The following NUP214 variants were observed in gnomAD, a reference collection of about 807,000 sequenced individuals.
NUP214 encodes the protein nucleoporin 214.
NUP214 carries 79 observed loss-of-function variants against 196.2 expected under a neutral mutation model. The ratio of observed to expected loss-of-function variants is 0.40; its 90% CI spans 0.34 to 0.49. The LOEUF (loss-of-function observed/expected upper bound fraction) is 0.49. Among genes scored for constraint, NUP214 ranks in the 20% least tolerant of loss-of-function variants. The probability of loss-of-function intolerance (pLI) is 0.58; values close to 1 mark genes in which losing one functional copy is unlikely to be tolerated. For missense variants in NUP214, 2,468 were observed against 2,539.0 expected (o/e 0.97, Z 0.60); for synonymous variants, 1,020 against 990.5 (o/e 1.03, Z -0.56).
At chr9:131,158,418 G>A (rs1364642851) in intron 17 of NUP214, among the ~76,000 whole-genome samples, 2 of 152,206 alleles carry the variant, frequency 1.3e-5, no homozygotes, top group African/African-American at 4.8e-5. Flanking sequence ...AAGTTGCATA[G>A]CCATGAAGGT....
At chr9:131,183,989 A>G (rs1465447024) in intron 24 of NUP214, among the ~76,000 whole-genome samples, 2 of 108,706 alleles carry the variant, frequency 1.8e-5, no homozygotes, top group African/African-American at 6.9e-5. Flanking sequence ...TTCTTACACT[A>G]TTCGTATTTT....
intron 26 of NUP214, chr9:131,190,240 CAA>C (rs1013034720): frequency 2.1e-6 from 1 of 478,468 alleles, no homozygotes; most frequent in African/African-American, 2.0e-5. Flanking sequence ...GTAGAACTGT[CAA>C]AGACTTGAGT....
At chr9:131,174,785 T>C (rs1164260233) in intron 22 of NUP214, among the ~76,000 whole-genome samples, 1 of 152,140 alleles carries the variant, frequency 6.6e-6, no homozygotes, top group African/African-American at 2.4e-5. Flanking sequence ...ATTCTAGAAA[T>C]TAGAAGACTG....
chr9:131,192,015 A>G (rs1218271370), intron 26 of NUP214, 193 bp from the exon 27 acceptor site: 3 of 452,936 alleles, frequency 6.6e-6, no homozygotes, highest in Non-Finnish European at 1.2e-5. Flanking sequence ...CCACGGAGCA[A>G]TTTCAGAGAC....
At position 131,159,275 on chromosome 9, in the gene NUP214, A is replaced by G. The variant is rs1048347163; in HGVS notation, c.2437-108A>G. On this transcript the variant is annotated intron_variant, in intron 17 of 35. Transcript: ENST00000359428. ...ACCTATTCTGTTTTCCTTGTTCATT[A>G]TGGTTCTTAATATAGAAGTATTTTA... 2.1e-5 allele frequency: 15 copies of G among 725,436 alleles called. No individual in the cohort carries two copies. The Admixed American group carries it at 3.8e-4, about 18-fold the overall frequency. The allele number at this position is 725,436 out of a possible 1,614,324, so 44.9% of individuals were successfully genotyped here.
Position 131,127,605 on chromosome 9 carries a change from G to T in NUP214, c.127G>T (p.Ala43Ser), listed in dbSNP as rs763270914. ...GCCCAAGGAACGCTCGAGTCTGCTT[G>T]CTGTGTCCAACAAATATGGTCTGGT... ...ELPKERSSLLAVSNKYGLVFA... is the reference protein window; with the variant it reads ...ELPKERSSLLSVSNKYGLVFA... Residue 43 changes from alanine to serine, a missense_variant, in exon 2 of 36, where the codon GCT becomes TCT. Ala to Ser is a moderately conservative substitution (Grantham distance 99). Coordinates refer to ENST00000359428, the MANE Select transcript of NUP214 (RefSeq NM_005085.4). 11 of 1,614,146 alleles carry T rather than the reference G, an allele frequency of 6.8e-6. No individual in the cohort carries two copies. The East Asian group carries it at 8.9e-5, about 13-fold the overall frequency.
At chr9:131,223,541 CAAAAT>C (rs774142047) in intron 32 of NUP214, among the ~76,000 whole-genome samples, 44 of 151,274 alleles carry the variant, frequency 2.9e-4, no homozygotes, top group Non-Finnish European at 4.1e-4. Flanking sequence ...GCAGAACAAA[CAAAAT>C]AAAGGAACAC....
chr9:131,178,424 GC>G lies in NUP214; in HGVS notation c.3419+15del. On this transcript the variant is annotated intron_variant, in intron 24 of 35. Transcript: ENST00000359428. ...TACAGCCATGGGGTATGTTCTGACTGCAGTGTGTTTCAGCCCCTGGCTGCTT... is the reference window on the plus strand; with the variant it reads ...TACAGCCATGGGGTATGTTCTGACTGAGTGTGTTTCAGCCCCTGGCTGCTT... The G allele has an allele frequency of 1.2e-5, 19 of 1,587,498 alleles. No individual in the cohort carries two copies. The highest frequency in any genetic ancestry group is 1.6e-5 in the Non-Finnish European group (19 of 1,156,772).
rs142450352 is a variant in NUP214 at position 131,132,115 on chromosome 9, C to CTTTTTTTTTTTTTTTTTTTTTT, written c.664-478_664-477insTTTTTTTTTTTTTTTTTTTTTT. 4.6e-5 allele frequency among the ~76,000 whole-genome samples: 5 copies of CTTTTTTTTTTTTTTTTTTTTTT among 108,180 alleles called. 2 individuals carry two copies. The highest frequency in any genetic ancestry group is 3.6e-5 in the Non-Finnish European group (2 of 54,830). The allele number at this position is 108,180 out of a possible 152,430, so 71.0% of individuals were successfully genotyped here. ...TGCGTTCATGCGTTTCTTTTCTTTTCTTTCTTTTTTTTTTTTTTTTGGAGA... is the reference window on the plus strand; with the variant it reads ...TGCGTTCATGCGTTTCTTTTCTTTTCTTTTTTTTTTTTTTTTTTTTTTTTTCTTTTTTTTTTTTTTTTGGAGA... On this transcript the variant is annotated intron_variant, in intron 5 of 35. Transcript: ENST00000359428.
At chr9:131,200,577 C>T (rs1039433169) in intron 29 of NUP214, among the ~76,000 whole-genome samples, 1 of 152,156 alleles carries the variant, frequency 6.6e-6, no homozygotes, top group East Asian at 1.9e-4. Flanking sequence ...GGCGTCGTGG[C>T]AGGCGCATGT....
rs777544652 is a variant in NUP214, at chr9:131,175,504, A to C, written c.3202A>C (p.Thr1068Pro). Residue 1068 changes from threonine to proline, a missense_variant, in exon 23 of 36, where the codon ACA becomes CCA. Physicochemically the swap from Thr to Pro is conservative, Grantham distance 38. This residue lies in a region of NUP214 where 1,801 missense variants were observed against 1,779.4 expected (regional missense o/e 1.01). Transcript: ENST00000359428. ...SKIIPQGADS[T>P]MLATKTVKHG... ...AATTATTCCTCAAGGGGCCGATAGC[A>C]CAATGCTTGCCACGAAAACCGTGAA... 1 of 1,614,092 alleles carries C rather than the reference A, an allele frequency of 6.2e-7. No individual in the cohort carries two copies. The highest frequency in any genetic ancestry group is 8.5e-7 in the Non-Finnish European group (1 of 1,180,042).
In NUP214 at chr9:131,134,979, T is replaced by C; in HGVS notation, c.913T>C (p.Tyr305His). Residue 305 changes from tyrosine to histidine, a missense_variant, in exon 8 of 36, where the codon TAC becomes CAC. By Grantham distance (83) the Tyr-to-His change is moderately conservative (BLOSUM62 2). Around this residue, in one of 5 missense-constraint regions of NUP214, gnomAD observed 392 missense variants for 417.9 expected, o/e 0.94. Coordinates refer to ENST00000359428, the MANE Select transcript of NUP214 (RefSeq NM_005085.4). Reference protein sequence around the residue: ...YGSCTERQHHYYLSYIEEWDL... With the variant: ...YGSCTERQHHHYLSYIEEWDL... ...CAGCTGCACGGAGAGACAGCATCATTACTACCTCAGTTACATTGAGGAATG... is the reference window on the plus strand; with the variant it reads ...CAGCTGCACGGAGAGACAGCATCATCACTACCTCAGTTACATTGAGGAATG... 1 of 1,613,068 alleles carries C rather than the reference T, an allele frequency of 6.2e-7. No homozygotes were observed. The highest frequency in any genetic ancestry group is 8.5e-7 in the Non-Finnish European group (1 of 1,179,086).
Position 131,129,302 on chromosome 9 carries a change from T to G in NUP214, c.417T>G (p.Phe139Leu), listed in dbSNP as rs370750765. Residue 139 changes from phenylalanine (F) to leucine (L), a missense_variant, in exon 4 of 36, where the codon TTT (phenylalanine) becomes TTG (leucine). Physicochemically the swap from Phe to Leu is conservative, Grantham distance 22. Around this residue, in one of 5 missense-constraint regions of NUP214, gnomAD observed 392 missense variants for 417.9 expected, o/e 0.94. Transcript: ENST00000359428. ...AGGCTAAACAGCAAAAACGCCCATT[T>G]GCCTATCATAAGCTTTTGAAAGATG... Reference protein sequence around the residue: ...SNEAKQQKRPFAYHKLLKDAG... With the variant: ...SNEAKQQKRPLAYHKLLKDAG... The G allele has an allele frequency of 1.5e-5, 25 of 1,614,104 alleles. No individual in the cohort carries two copies. Among genetic ancestry groups the G allele is most frequent in the Non-Finnish European group, 1.9e-5 (23 of 1,180,030 alleles).
chr9:131,135,736 A>C (rs1490449870), intron 8 of NUP214, among the ~76,000 whole-genome samples: 3 of 152,190 alleles, frequency 2.0e-5, no homozygotes, highest in African/African-American at 7.2e-5. Flanking sequence ...GTAGGCACTG[A>C]GCTGATTCTA....
intron 14 of NUP214, among the ~76,000 whole-genome samples, chr9:131,148,540 A>G (rs143979421): frequency 1.3e-5 from 2 of 152,172 alleles, no homozygotes; most frequent in African/African-American, 2.4e-5. Context: ...TCCCACCAAG[A>G]GTGTATGAGA....
chr9:131,151,839 A>G lies in NUP214; in HGVS notation c.2381A>G (p.Tyr794Cys), dbSNP rs145524783. The G allele has an allele frequency of 3.7e-6, 6 of 1,613,622 alleles. No individual in the cohort carries two copies. In the South Asian group the frequency reaches 5.5e-5, roughly 15 times the overall value. ...AATGAAAGAAATCGTGACTCTGGTT[A>G]TCTGCATTTGCTTTATAAAAGACCA... ...EQNERNRDSG[Y>C]LHLLYKRPLD... The change falls in exon 17 of 36, where the codon TAT becomes TGT. Residue 794 changes from tyrosine to cysteine, a missense_variant. Tyr to Cys is a radical substitution (Grantham distance 194). Around this residue, in one of 5 missense-constraint regions of NUP214, gnomAD observed 1,801 missense variants for 1,779.4 expected, o/e 1.01. Coordinates refer to ENST00000359428, the MANE Select transcript of NUP214 (RefSeq NM_005085.4).
intron 24 of NUP214, among the ~76,000 whole-genome samples, chr9:131,183,829 T>C (rs1833360546): frequency 6.6e-6 from 1 of 152,100 alleles, no homozygotes; most frequent in Admixed American, 6.5e-5. Flanking sequence ...ACCACAAATG[T>C]ATGATTGTTA....
chr9:131,210,801 G>T (rs1189012156), intron 30 of NUP214, among the ~76,000 whole-genome samples: 1 of 152,122 alleles, frequency 6.6e-6, no homozygotes, highest in African/African-American at 2.4e-5. Flanking sequence ...GAAAAAAAAT[G>T]GATAGAGCAT....
intron 30 of NUP214, among the ~76,000 whole-genome samples, chr9:131,212,181 T>G (rs1834263072): frequency 6.6e-6 from 1 of 152,184 alleles, no homozygotes; most frequent in African/African-American, 2.4e-5. Flanking sequence ...GGGAAATTCC[T>G]GCCTAGTAAA....
Sources: gnomAD v4.1 joint callset for allele counts (sites outside exome capture counted in the v4.1 genomes callset) on GRCh38, gnomAD v4.1.1 for gene constraint, gnomAD v4.1.1 regional missense constraint, MANE v1.5 for transcripts, NCBI Gene and HGNC (gene_info 2026-07-23, HGNC 2026-07-21) for gene names.